The following DIS3L variants were observed in gnomAD, a reference collection of about 807,000 sequenced individuals.
The protein encoded by DIS3L is DIS3-like exonuclease 1.
A neutral mutation model predicts 120.3 loss-of-function variants in DIS3L; 100 were observed. The ratio of observed to expected loss-of-function variants is 0.83; its 90% CI spans 0.71 to 0.98. DIS3L has a LOEUF of 0.98. Ranked by LOEUF, DIS3L falls within the 50% of genes least tolerant of loss-of-function variation. The probability of loss-of-function intolerance (pLI) is 0.00; values close to 1 mark genes in which losing one functional copy is unlikely to be tolerated. For missense variants in DIS3L, 1,196 were observed against 1,314.2 expected, an observed-to-expected ratio of 0.91 and a Z score of 1.39; for synonymous variants, 426 against 470.6, an observed-to-expected ratio of 0.91 and a Z score of 1.23.
chr15:66,327,634 C>A (rs2092952766), intron 12 of DIS3L, among the ~76,000 whole-genome samples: 1 of 152,028 alleles, frequency 6.6e-6, no homozygotes, highest in Non-Finnish European at 1.5e-5. Flanking sequence ...ATCCCAGCTA[C>A]TTGGGAGGTT....
chr15:66,304,216 C>G (rs1262359284), intron 2 of DIS3L, among the ~76,000 whole-genome samples: 1 of 151,602 alleles, frequency 6.6e-6, no homozygotes, highest in African/African-American at 2.4e-5. Context: ...TTTGGGAGGC[C>G]AAGGCAGGAG....
chr15:66,305,042 C>T (rs1438857275), intron 2 of DIS3L, among the ~76,000 whole-genome samples: 3 of 135,634 alleles, frequency 2.2e-5, no homozygotes, highest in Non-Finnish European at 4.6e-5. Flanking sequence ...TGCTCTGTCA[C>T]CAGGCTGGAG....
intron 4 of DIS3L, 62 bp from the exon 5 acceptor site, chr15:66,311,662 A>G: frequency 6.3e-7 from 1 of 1,590,704 alleles, no homozygotes; most frequent in Non-Finnish European, 8.6e-7. Flanking sequence ...TTTCTGTCAT[A>G]GTACCATGGT....
chr15:66,314,229 T>A, intron 6 of DIS3L, 112 bp downstream of exon 6: 1 of 769,410 alleles, frequency 1.3e-6, no homozygotes, highest in Non-Finnish European at 1.9e-6. Flanking sequence ...TATGTATGCC[T>A]ACATACATTG....
In DIS3L at chr15:66,309,094, A is replaced by AAAATATATATATATATATATATATAT; in HGVS notation, c.558+251_558+252insAATATATATATATATATATATATATA. On this transcript the variant is annotated intron_variant, in intron 4 of 16. Transcript: ENST00000319212. ...CTTGTCTCTACAGAAAAAAAAAAAA[A>AAAATATATATATATATATATATATAT]ATATATATATCTCCAAGCATGGTGG... is the stretch of plus-strand genomic sequence containing the variant. 8.5e-4 allele frequency among the ~76,000 whole-genome samples: 13 copies of AAAATATATATATATATATATATATAT among 15,306 alleles called. 2 individuals are homozygous for AAAATATATATATATATATATATATAT. Among genetic ancestry groups the AAAATATATATATATATATATATATAT allele is most frequent in the African/African-American group, 2.5e-3 (13 of 5,118 alleles). The allele number at this position is 15,306 out of a possible 152,430, so 10.0% of individuals were successfully genotyped here.
chr15:66,303,802 A>C (rs1260766130), intron 2 of DIS3L, among the ~76,000 whole-genome samples: 1 of 152,180 alleles, frequency 6.6e-6, no homozygotes, highest in Non-Finnish European at 1.5e-5. Context: ...AACTGTTAAC[A>C]GTGTGTAGGC....
chr15:66,322,791 T>C lies in DIS3L; in HGVS notation c.1431T>C (p.Ile477=). 1.2e-6 allele frequency: 2 copies of C among 1,614,198 alleles called. No homozygotes were observed. The highest frequency in any genetic ancestry group is 1.7e-6 in the Non-Finnish European group (2 of 1,180,036). Residue 477 remains isoleucine, a synonymous_variant, in exon 10 of 17, where the codon ATT becomes ATC. Transcript: ENST00000319212. ...GGAAAAGCCATCTCGTATTCAGCAT[T>C]GACCCCAAAGGTTGTGAAGATGTGG... ...DLRKSHLVFS[I]DPKGCEDVDD...
chr15:66,316,069 A>G (rs1279386274), intron 7 of DIS3L, among the ~76,000 whole-genome samples: 1 of 152,002 alleles, frequency 6.6e-6, no homozygotes. Flanking sequence ...GATCTCCTGC[A>G]GTCCTTTAAT....
At chr15:66,310,732 A>G (rs907796412) in intron 4 of DIS3L, among the ~76,000 whole-genome samples, 9 of 152,242 alleles carry the variant, frequency 5.9e-5, no homozygotes, top group Admixed American at 3.9e-4. Context: ...AGTGGGAGAA[A>G]TGCTGGAGTT....
intron 3 of DIS3L, among the ~76,000 whole-genome samples, chr15:66,307,597 C>T (rs962607522): frequency 2.6e-5 from 4 of 152,294 alleles, no homozygotes; most frequent in Admixed American, 6.5e-5. Flanking sequence ...CCACTGTGCC[C>T]GGCCAGGCTC....
At chr15:66,304,506 C>T (rs778554169) in intron 2 of DIS3L, among the ~76,000 whole-genome samples, 1 of 152,028 alleles carries the variant, frequency 6.6e-6, no homozygotes, top group East Asian at 1.9e-4. Context: ...ATATGTTCTA[C>T]GCATCTTGAG....
At chr15:66,330,555 C>A in intron 14 of DIS3L, 1 of 983,148 alleles carries the variant, frequency 1.0e-6, no homozygotes, top group African/African-American at 1.7e-5. Context: ...TAGCACTAGC[C>A]ATGTGGACTA....
rs1356184720 is a variant in DIS3L at position 66,332,020 on chromosome 15, G to C, written c.2681G>C (p.Arg894Thr). ...AATGGTGTGCTTCTATTTATACCAA[G>C]GTATGTTACATCTAATGCAATGGTG... is the stretch of plus-strand genomic sequence containing the variant. The part of the protein sequence containing the change: ...RTNGVLLFIP[R>T]FGIKGAAYLK... The change falls in exon 15 of 17, where the codon AGG (arginine) becomes ACG (threonine). Residue 894 changes from arginine (R) to threonine (T), a missense_variant and splice_region_variant. Transcript: ENST00000319212. The C allele has an allele frequency of 6.2e-7, 1 of 1,605,402 alleles. No individual in the cohort carries two copies. The highest frequency in any genetic ancestry group is 1.3e-5 in the African/African-American group (1 of 74,888).
At chr15:66,332,255 G>T (rs1051954506) in intron 15 of DIS3L, among the ~76,000 whole-genome samples, 1 of 152,162 alleles carries the variant, frequency 6.6e-6, no homozygotes, top group South Asian at 2.1e-4. Flanking sequence ...TCAGGAGTTC[G>T]AGACCAGCCT....
chr15:66,309,024 A>G (rs2092729402), intron 4 of DIS3L, among the ~76,000 whole-genome samples, 180 bp downstream of exon 4: 1 of 140,510 alleles, frequency 7.1e-6, no homozygotes, highest in East Asian at 2.1e-4. Flanking sequence ...TGGGAAGATC[A>G]CTTGAGCTTA....
intron 4 of DIS3L, among the ~76,000 whole-genome samples, chr15:66,310,094 C>G (rs1051657490): frequency 6.6e-5 from 10 of 152,234 alleles, no homozygotes; most frequent in Middle Eastern, 3.4e-3. Flanking sequence ...CTTTTTGGTG[C>G]AGAAACTAGA....
At position 66,326,346 on chromosome 15, in the gene DIS3L, G is replaced by C. The variant is rs1386088155; in HGVS notation, c.2183G>C (p.Gly728Ala). 1.1e-5 allele frequency: 18 copies of C among 1,614,046 alleles called. No homozygotes were observed. The highest frequency in any genetic ancestry group is 1.7e-5 in the Admixed American group (1 of 60,006). Residue 728 changes from glycine to alanine, a missense_variant, in exon 12 of 17, where the codon GGC (glycine) becomes GCC (alanine). By Grantham distance (60) the Gly-to-Ala change is moderately conservative. Transcript: ENST00000319212. ...CTCCGGGAATGTGCTAAAGCCAAAG[G>C]CTTCTTCATAGATACACGGTATTCC... ...SELRECAKAK[G>A]FFIDTRSNKT...
intron 1 of DIS3L, chr15:66,294,000 C>G (rs2092554841): frequency 2.0e-6 from 2 of 989,934 alleles, no homozygotes; most frequent in Non-Finnish European, 2.4e-6. Flanking sequence ...CACCCCATGC[C>G]GGAGGCCGGG....
Position 66,326,915 on chromosome 15 carries a change from T to C in DIS3L, c.2201+551T>C, listed in dbSNP as rs185808124. 1.2e-3 allele frequency among the ~76,000 whole-genome samples: 173 copies of C among 149,826 alleles called. 1 individual carries two copies. Among genetic ancestry groups the C allele is most frequent in the African/African-American group, 3.9e-3 (158 of 40,814 alleles). Reference sequence around the variant, plus strand: ...TAATTTTGACCCACTACAATTTGGGTTTTTTTGTTCGGTTGGTTTTTTTTT... The same window carrying C: ...TAATTTTGACCCACTACAATTTGGGCTTTTTTGTTCGGTTGGTTTTTTTTT... On this transcript the variant is annotated intron_variant, in intron 12 of 16. Coordinates refer to ENST00000319212, the MANE Select transcript of DIS3L (RefSeq NM_001143688.3).
Sources: allele counts gnomAD v4.1 joint callset (sites outside exome capture counted in the v4.1 genomes callset), GRCh38; gene constraint gnomAD v4.1.1; transcripts MANE v1.5; gene names NCBI Gene and HGNC (gene_info 2026-07-23, HGNC 2026-07-21).